The following FRMD5 variants were observed in gnomAD, a reference collection of about 807,000 sequenced individuals.
The protein encoded by FRMD5 is FERM domain containing 5.
In FRMD5, 20 loss-of-function variants were observed where a neutral mutation model predicts 69.0. The observed-to-expected ratio is 0.29, with a 90% confidence interval of 0.20 to 0.42. The LOEUF is 0.42. FRMD5 is among the 10% of genes least tolerant of loss of function. The pLI is 1.00. For missense variants in FRMD5, 595 were observed against 708.6 expected (o/e 0.84, Z 1.82); for synonymous variants, 271 against 260.1 (o/e 1.04, Z -0.40).
chr15:43,885,604 AAGGAT>A, intron 11 of FRMD5, 72 bp downstream of exon 11: 1 of 1,242,540 alleles, frequency 8.0e-7, no homozygotes, highest in Non-Finnish European at 1.2e-6. Flanking sequence ...CTCTGTTCTA[AAGGAT>A]AAGGACCACT....
intron 1 of FRMD5, among the ~76,000 whole-genome samples, chr15:43,991,760 TG>T (rs954126484): frequency 2.6e-5 from 4 of 152,226 alleles, no homozygotes; most frequent in African/African-American, 9.6e-5. Context: ...GGCACTGATG[TG>T]TTCTCCATTC....
At chr15:44,102,934 A>T (rs2076660575) in intron 1 of FRMD5, among the ~76,000 whole-genome samples, 1 of 152,228 alleles carries the variant, frequency 6.6e-6, no homozygotes, top group South Asian at 2.1e-4. Context: ...GAAAAGGGGA[A>T]ATTGATAAAA....
rs1009963977 is a variant in FRMD5, at chr15:44,153,330, G to A, written c.102+41623C>T. Among the ~76,000 whole-genome samples, 14 of 152,198 alleles carry A rather than the reference G, an allele frequency of 9.2e-5. No homozygotes were observed. The East Asian group carries it at 2.7e-3, about 29-fold the overall frequency. On this transcript the variant is annotated intron_variant, in intron 1 of 13. Transcript: ENST00000417257. ...GAGGCAACCTAAAAGTCCATCAACA[G>A]ATGAATGAATAAGCAAAATGTGGTA... is the stretch of plus-strand genomic sequence containing the variant.
chr15:44,138,401 C>A (rs76727778), intron 1 of FRMD5, among the ~76,000 whole-genome samples: 1 of 151,934 alleles, frequency 6.6e-6, no homozygotes. Flanking sequence ...CATCAAAGTG[C>A]CATAAAGAAA....
intron 1 of FRMD5, among the ~76,000 whole-genome samples, chr15:44,135,368 C>T (rs1037558590): frequency 6.6e-6 from 1 of 152,194 alleles, no homozygotes; most frequent in African/African-American, 2.4e-5. Context: ...AAGAAAGCAT[C>T]AGCTGTTTCC....
intron 12 of FRMD5, 57 bp from the exon 13 acceptor site, chr15:43,883,866 A>C (rs1426803721): frequency 7.6e-7 from 1 of 1,310,076 alleles, no homozygotes; most frequent in Non-Finnish European, 1.1e-6. Context: ...TTTGGTAGGC[A>C]CTTAAGAATT....
At chr15:44,087,370 C>T (rs1400844372) in intron 1 of FRMD5, among the ~76,000 whole-genome samples, 1 of 152,124 alleles carries the variant, frequency 6.6e-6, no homozygotes, top group Non-Finnish European at 1.5e-5. Flanking sequence ...TACATTATAA[C>T]ACGTAATAAC....
At position 44,142,222 on chromosome 15, in the gene FRMD5, G is replaced by A. The variant is rs373467241; in HGVS notation, c.102+52731C>T. 1.3e-4 allele frequency among the ~76,000 whole-genome samples: 20 copies of A among 152,250 alleles called. 1 individual carries two copies. In the East Asian group the frequency reaches 3.9e-3, roughly 29 times the overall value. ...ATCCACTTAATTATATTAGCAATCA[G>A]TCCATATTTTTCTATCTGGCCATCA... On this transcript the variant is annotated intron_variant, in intron 1 of 13. Coordinates refer to ENST00000417257, the MANE Select transcript of FRMD5 (RefSeq NM_032892.5).
At chr15:44,030,697 C>T (rs1891640962) in intron 1 of FRMD5, among the ~76,000 whole-genome samples, 1 of 151,380 alleles carries the variant, frequency 6.6e-6, no homozygotes, top group African/African-American at 2.4e-5. Context: ...CCATTACAAT[C>T]CCCAAAAAGG....
At chr15:44,033,338 G>C (rs999474719) in intron 1 of FRMD5, among the ~76,000 whole-genome samples, 2 of 151,850 alleles carry the variant, frequency 1.3e-5, no homozygotes, top group Admixed American at 1.3e-4. Flanking sequence ...ACAAACCCCT[G>C]TAACACATGT....
intron 1 of FRMD5, among the ~76,000 whole-genome samples, chr15:43,953,797 C>G (rs764381181): frequency 6.6e-6 from 1 of 152,184 alleles, no homozygotes; most frequent in Admixed American, 6.5e-5. Context: ...AGTTAAGACT[C>G]TAGTAATAAA....
chr15:43,942,018 A>C (rs1198760035), intron 1 of FRMD5, among the ~76,000 whole-genome samples: 1 of 152,230 alleles, frequency 6.6e-6, no homozygotes, highest in African/African-American at 2.4e-5. Context: ...TTTAAGTTGA[A>C]TCCCCAAAGC....
At chr15:44,118,541 A>T (rs927071115) in intron 1 of FRMD5, among the ~76,000 whole-genome samples, 1 of 152,060 alleles carries the variant, frequency 6.6e-6, no homozygotes, top group East Asian at 1.9e-4. Flanking sequence ...CCCTATACTC[A>T]CTTTTCTATG....
chr15:44,059,673 A>T (rs1273676851), intron 1 of FRMD5, among the ~76,000 whole-genome samples: 1 of 151,562 alleles, frequency 6.6e-6, no homozygotes, highest in Non-Finnish European at 1.5e-5. Flanking sequence ...CACCACGCCC[A>T]GCTAATTTTT....
chr15:44,153,328 C>G (rs1387432700), intron 1 of FRMD5, among the ~76,000 whole-genome samples: 1 of 152,060 alleles, frequency 6.6e-6, no homozygotes, highest in Non-Finnish European at 1.5e-5. Flanking sequence ...AGTCCATCAA[C>G]AGATGAATGA....
chr15:44,106,682 A>C (rs575121117), intron 1 of FRMD5, among the ~76,000 whole-genome samples: 12 of 152,094 alleles, frequency 7.9e-5, no homozygotes, highest in Admixed American at 2.6e-4. Flanking sequence ...GGTGTGTAAG[A>C]TCTCTGCACT....
intron 1 of FRMD5, among the ~76,000 whole-genome samples, chr15:44,005,993 G>T (rs374452742): frequency 6.6e-6 from 1 of 152,210 alleles, no homozygotes; most frequent in East Asian, 1.9e-4. Flanking sequence ...GGCTACAACA[G>T]ATTTTCAATG....
chr15:44,147,569 T>C (rs1036719166), intron 1 of FRMD5, among the ~76,000 whole-genome samples: 1 of 152,206 alleles, frequency 6.6e-6, no homozygotes. Flanking sequence ...GTGGGCAGTA[T>C]GGCCATTAAG....
chr15:43,947,350 A>G (rs1595547807), intron 1 of FRMD5, among the ~76,000 whole-genome samples: 1 of 152,028 alleles, frequency 6.6e-6, no homozygotes, highest in Non-Finnish European at 1.5e-5. Context: ...TGTTTTCCAA[A>G]CTCCATATAT....
Sources: allele counts gnomAD v4.1 joint callset (sites outside exome capture counted in the v4.1 genomes callset), GRCh38; gene constraint gnomAD v4.1.1; transcripts MANE v1.5; gene names NCBI Gene and HGNC (gene_info 2026-07-23, HGNC 2026-07-21).